Variants in ZNF236 observed in about 807,000 individuals in gnomAD.
ZNF236 encodes the protein regulated by glucose.
Under a neutral mutation model 191.2 loss-of-function variants are expected in ZNF236, and 50 were observed. The ratio of observed to expected loss-of-function variants is 0.26; its 90% CI spans 0.21 to 0.33. ZNF236 has a LOEUF of 0.33. ZNF236 is among the 10% of genes least tolerant of loss of function. The pLI is 1.00. For missense variants in ZNF236, 1,754 were observed against 2,374.5 expected, an observed-to-expected ratio of 0.74 and a Z score of 5.43; for synonymous variants, 907 against 928.8, an observed-to-expected ratio of 0.98 and a Z score of 0.43.
In ZNF236 at chr18:76,968,351, A is replaced by G. The variant is rs571161096; in HGVS notation, c.*12A>G. The stretch of plus-strand genomic sequence containing the variant: ...CCCACGTCTTCTGATGCGAGTTGGA[A>G]GTACACCTTTAAGAATGTTTCTGAA... On this transcript the variant is annotated 3_prime_UTR_variant, in exon 31 of 31. Transcript: ENST00000320610. The G allele has an allele frequency of 1.4e-5, 22 of 1,603,100 alleles. No homozygotes were observed. The highest frequency in any genetic ancestry group is 1.8e-5 in the Non-Finnish European group (21 of 1,177,328).
intron 11 of ZNF236, among the ~76,000 whole-genome samples, chr18:76,899,682 G>C (rs905216341): frequency 2.6e-5 from 4 of 152,164 alleles, no homozygotes; most frequent in African/African-American, 9.7e-5. Context: ...TTTAGGTTCA[G>C]TGTTACTATA....
At chr18:76,868,931 C>T (rs530034508) in intron 4 of ZNF236, 68 bp downstream of exon 4, 13 of 1,441,568 alleles carry the variant, frequency 9.0e-6, no homozygotes, top group African/African-American at 2.8e-5. Flanking sequence ...CACTTTGGTA[C>T]GACCCACTGG....
At position 76,895,023 on chromosome 18, in the gene ZNF236, C is replaced by T. The variant is rs769135194; in HGVS notation, c.1428C>T (p.Arg476=). 4.3e-6 allele frequency: 7 copies of T among 1,609,380 alleles called. No homozygotes were observed. In the East Asian group the frequency reaches 8.9e-5, roughly 20 times the overall value. The change falls in exon 10 of 31, where the codon CGC becomes CGT. Residue 476 remains arginine, a synonymous_variant. Transcript: ENST00000320610. Reference sequence around the variant, plus strand: ...CCTCTCCCTTCACAGGCTCCATCCGCGAGGAGAACGGCGTGCGCTGGCATG... The same window carrying T: ...CCTCTCCCTTCACAGGCTCCATCCGTGAGGAGAACGGCGTGCGCTGGCATG... ...KKSPFLPGSI[R]EENGVRWHVC...
At position 76,875,894 on chromosome 18, in the gene ZNF236, G is replaced by A. The variant is rs1976697514; in HGVS notation, c.840+230G>A. Among the ~76,000 whole-genome samples the A allele has an allele frequency of 6.6e-6, 1 of 152,072 alleles. No individual in the cohort carries two copies. Among genetic ancestry groups the A allele is most frequent in the Admixed American group, 6.5e-5 (1 of 15,270 alleles). On this transcript the variant is annotated intron_variant, in intron 6 of 30. Coordinates refer to ENST00000320610, the MANE Select transcript of ZNF236 (RefSeq NM_001306089.2). This position sits in a 1 kb window ranked among gnomAD's most constrained non-coding sequence, Gnocchi z 4.3. Reference sequence around the variant, plus strand: ...GTCTTCTTGCTGACAGCATGGCTTTGGGGAATAAATATTTGAAAATAATCC... The same window carrying A: ...GTCTTCTTGCTGACAGCATGGCTTTAGGGAATAAATATTTGAAAATAATCC...
chr18:76,918,549 T>G lies in ZNF236; in HGVS notation c.3275-1227T>G, dbSNP rs531318187. On this transcript the variant is annotated intron_variant, in intron 19 of 30. Transcript: ENST00000320610. ...AAGCAATCCTCCCACCTCAGGCTCC[T>G]GAGTAGCAGGGGCTACAGGCTCACC... Among the ~76,000 whole-genome samples, 17 of 152,322 alleles carry G rather than the reference T, an allele frequency of 1.1e-4. No individual in the cohort carries two copies. In the South Asian group the frequency reaches 2.5e-3, roughly 22 times the overall value.
At chr18:76,862,463 G>A (rs984140090) in intron 3 of ZNF236, among the ~76,000 whole-genome samples, 10 of 152,138 alleles carry the variant, frequency 6.6e-5, no homozygotes, top group African/African-American at 2.4e-4. Flanking sequence ...GCCCAAGCAG[G>A]GAGCTAACCT....
intron 26 of ZNF236, among the ~76,000 whole-genome samples, chr18:76,946,640 A>G (rs1027616689): frequency 2.0e-5 from 3 of 152,230 alleles, no homozygotes; most frequent in Non-Finnish European, 4.4e-5. Context: ...AATTATTTCT[A>G]TAAATTTGCA....
At chr18:76,824,232 A>G in intron 1 of ZNF236, 1 of 760,046 alleles carries the variant, frequency 1.3e-6, no homozygotes, top group East Asian at 2.4e-5. Flanking sequence ...AATCAATGTA[A>G]ACTTATTCAT....
rs750853372 is a variant in ZNF236 at position 76,832,495 on chromosome 18, G to A, written c.55+9833G>A. ...ACCCAATTAATCTGTAGTATTTGTTGGAAATACCATTTTTGTCTTTTTTTT... is the reference window on the plus strand; with the variant it reads ...ACCCAATTAATCTGTAGTATTTGTTAGAAATACCATTTTTGTCTTTTTTTT... On this transcript the variant is annotated intron_variant, in intron 1 of 30. Coordinates refer to ENST00000320610, the MANE Select transcript of ZNF236 (RefSeq NM_001306089.2). Among the ~76,000 whole-genome samples the A allele has an allele frequency of 4.7e-4, 71 of 151,062 alleles. 1 individual carries two copies. In the Middle Eastern group the frequency reaches 0.01, roughly 22 times the overall value.
intron 9 of ZNF236, 68 bp downstream of exon 9, chr18:76,881,580 C>A: frequency 7.3e-7 from 1 of 1,375,464 alleles, no homozygotes; most frequent in Non-Finnish European, 1.0e-6. Context: ...AGAAATGTGC[C>A]CTTCTTTTTT....
intron 3 of ZNF236, among the ~76,000 whole-genome samples, chr18:76,860,431 T>C (rs1568199758): frequency 6.6e-6 from 1 of 152,248 alleles, no homozygotes; most frequent in East Asian, 1.9e-4. Context: ...AACTGTTAGC[T>C]GTCATTCGCA....
chr18:76,943,179 G>A (rs1188030579), intron 26 of ZNF236, among the ~76,000 whole-genome samples: 1 of 149,938 alleles, frequency 6.7e-6, no homozygotes, highest in Non-Finnish European at 1.5e-5. Context: ...CAAAAAATTT[G>A]GAATATATAT....
chr18:76,961,728 ATT>A (rs57057667), intron 30 of ZNF236, among the ~76,000 whole-genome samples: 2 of 150,904 alleles, frequency 1.3e-5, no homozygotes, highest in Non-Finnish European at 3.0e-5. Context: ...AGCATGTACT[ATT>A]TTTTTTTTTA....
At chr18:76,897,354 A>G (rs1242283801) in intron 10 of ZNF236, among the ~76,000 whole-genome samples, 1 of 151,636 alleles carries the variant, frequency 6.6e-6, no homozygotes, top group Non-Finnish European at 1.5e-5. Context: ...ACAGTAATAA[A>G]CAGTACTGCA....
intron 20 of ZNF236, among the ~76,000 whole-genome samples, chr18:76,920,878 G>A (rs888512537): frequency 3.3e-5 from 5 of 152,308 alleles, no homozygotes; most frequent in Admixed American, 1.3e-4. Context: ...CTCTCAGAAT[G>A]TCCTTCCTTT....
At chr18:76,829,472 C>G (rs1037389494) in intron 1 of ZNF236, among the ~76,000 whole-genome samples, 2 of 152,030 alleles carry the variant, frequency 1.3e-5, no homozygotes. Context: ...GCACTACACC[C>G]TCGTGCTACT....
chr18:76,873,208 G>A (rs1158185466), intron 5 of ZNF236, among the ~76,000 whole-genome samples: 2 of 152,144 alleles, frequency 1.3e-5, no homozygotes, highest in Non-Finnish European at 2.9e-5. Flanking sequence ...AAAAAGTAAA[G>A]CAAATCCTTC....
chr18:76,941,561 C>A (rs1226432487), intron 26 of ZNF236, among the ~76,000 whole-genome samples: 2 of 152,186 alleles, frequency 1.3e-5, no homozygotes, highest in Admixed American at 1.3e-4. Flanking sequence ...ACACACCCTG[C>A]CATTAGCGCT....
chr18:76,860,997 T>C (rs1976203149), intron 3 of ZNF236, among the ~76,000 whole-genome samples: 1 of 151,978 alleles, frequency 6.6e-6, no homozygotes, highest in African/African-American at 2.4e-5. Context: ...CTTGGCACTG[T>C]GTGTCTGTGC....
Sources: gnomAD v4.1 joint callset for allele counts (sites outside exome capture counted in the v4.1 genomes callset) on GRCh38, gnomAD v4.1.1 for gene constraint, Gnocchi (gnomAD v3.1) non-coding constraint, MANE v1.5 for transcripts, NCBI Gene and HGNC (gene_info 2026-07-23, HGNC 2026-07-21) for gene names.